Variants in LZTS1 observed in about 807,000 individuals in gnomAD.
The protein encoded by LZTS1 is leucine zipper putative tumor suppressor 1.
Under a neutral mutation model 45.8 loss-of-function variants are expected in LZTS1, and 31 were observed. The ratio of observed to expected loss-of-function variants is 0.68; its 90% CI spans 0.51 to 0.91. The LOEUF (loss-of-function observed/expected upper bound fraction) is 0.91, where lower values mean the gene tolerates loss of function less well. Among genes scored for constraint, LZTS1 ranks in the 40% least tolerant of loss-of-function variants. The pLI, the probability that LZTS1 is intolerant of heterozygous loss-of-function variation, is 0.00. For missense variants in LZTS1, 821 were observed against 788.9 expected (o/e 1.04, Z -0.49); for synonymous variants, 359 against 357.3 (o/e 1.00, Z -0.05).
At chr8:20,301,080 C>G (rs1045326028) in intron 1 of LZTS1, among the ~76,000 whole-genome samples, 5 of 142,712 alleles carry the variant, frequency 3.5e-5, no homozygotes, top group Admixed American at 1.5e-4. Context: ...AAGATCGCAC[C>G]ACTGCACTCC....
chr8:20,257,054 A>C (rs1800120861), intron 1 of LZTS1, among the ~76,000 whole-genome samples: 1 of 152,106 alleles, frequency 6.6e-6, no homozygotes, highest in Non-Finnish European at 1.5e-5. Context: ...TGTTTCCTAA[A>C]AATGGTGTCA....
intron 1 of LZTS1, among the ~76,000 whole-genome samples, chr8:20,294,696 G>A (rs754165745): frequency 2.6e-5 from 4 of 152,094 alleles, no homozygotes; most frequent in Non-Finnish European, 5.9e-5. Flanking sequence ...TGGGGGTGGC[G>A]GGGAGCAGGG....
intron 1 of LZTS1, among the ~76,000 whole-genome samples, chr8:20,271,835 C>T (rs73607971): frequency 0.066 from 10,062 of 152,276 alleles, 434 homozygotes; most frequent in African/African-American, 0.11. Context: ...GGGTGCACAG[C>T]GGCTGCTGGA....
Position 20,249,970 on chromosome 8 carries a change from G to C in LZTS1, c.1543C>G (p.Arg515Gly). 1.2e-6 allele frequency: 2 copies of C among 1,613,892 alleles called. No individual in the cohort carries two copies. Among genetic ancestry groups the C allele is most frequent in the Non-Finnish European group, 1.7e-6 (2 of 1,179,892 alleles). Residue 515 changes from arginine (R) to glycine (G), a missense_variant, in exon 4 of 4, where the codon CGG becomes GGG. Transcript: ENST00000381569. The part of the protein sequence containing the change: ...ERLRAELREE[R>G]QGHDQMSSGF... ...GAGGACATCTGGTCATGGCCTTGCC[G>C]CTCCTCCCGCAGCTCGGCCCGCAGC... is the stretch of plus-strand genomic sequence containing the variant.
chr8:20,288,472 A>C (rs1202204269), intron 1 of LZTS1, among the ~76,000 whole-genome samples: 1 of 152,152 alleles, frequency 6.6e-6, no homozygotes, highest in East Asian at 1.9e-4. Flanking sequence ...TGTCCTGTGC[A>C]CTAGGTATGG....
chr8:20,302,643 G>A (rs886968426), intron 1 of LZTS1, among the ~76,000 whole-genome samples: 2 of 152,190 alleles, frequency 1.3e-5, no homozygotes, highest in African/African-American at 4.8e-5. Context: ...CGCCTGCCCG[G>A]CATGGTCCAG....
At chr8:20,300,355 C>A (rs1270975331) in intron 1 of LZTS1, among the ~76,000 whole-genome samples, 1 of 151,544 alleles carries the variant, frequency 6.6e-6, no homozygotes, top group African/African-American at 2.4e-5. Flanking sequence ...TTTTTTGAGA[C>A]GGAGTCTCTC....
In LZTS1 at chr8:20,265,676, C is replaced by CAAAAAAAAAAAA. The variant is rs71222140; in HGVS notation, c.-134-10373_-134-10362dup. Among the ~76,000 whole-genome samples, 2 of 42,996 alleles carry CAAAAAAAAAAAA rather than the reference C, an allele frequency of 4.7e-5. 1 individual carries two copies. Among genetic ancestry groups the CAAAAAAAAAAAA allele is most frequent in the Non-Finnish European group, 7.9e-5 (2 of 25,472 alleles). The allele number at this position is 42,996 out of a possible 152,430, so 28.2% of individuals were successfully genotyped here. On this transcript the variant is annotated intron_variant, in intron 1 of 3. Transcript: ENST00000381569. ...CCTGGGCAACAGAGAGACTCTGTCTCAAAAAAAAAAAAAAAAAAAAAAAAA... is the reference window on the plus strand; with the variant it reads ...CCTGGGCAACAGAGAGACTCTGTCTCAAAAAAAAAAAAAAAAAAAAAAAAAAAAAAAAAAAAA...
intron 1 of LZTS1, among the ~76,000 whole-genome samples, chr8:20,279,155 CTA>C (rs1282706080): frequency 6.6e-6 from 1 of 152,240 alleles, no homozygotes; most frequent in Non-Finnish European, 1.5e-5. Context: ...GGAAGCCATC[CTA>C]TGTTTTCTTT....
chr8:20,290,681 C>T lies in LZTS1; in HGVS notation c.-135+13059G>A, dbSNP rs796215735. The stretch of plus-strand genomic sequence containing the variant: ...GACTCAGCCGGATGTATGTCCTCTC[C>T]CACGTGTACAACCCCCATAAACTGA... On this transcript the variant is annotated intron_variant, in intron 1 of 3. Transcript: ENST00000381569. Among the ~76,000 whole-genome samples the T allele has an allele frequency of 7.9e-5, 12 of 152,324 alleles. 1 individual carries two copies. Among genetic ancestry groups the T allele is most frequent in the African/African-American group, 2.9e-4 (12 of 41,570 alleles).
chr8:20,288,044 C>A (rs1435729644), intron 1 of LZTS1, among the ~76,000 whole-genome samples: 1 of 152,134 alleles, frequency 6.6e-6, no homozygotes, highest in Non-Finnish European at 1.5e-5. Flanking sequence ...GTCTGCCCAG[C>A]CCCCACCTCC....
intron 1 of LZTS1, among the ~76,000 whole-genome samples, chr8:20,292,714 C>A (rs1800920121): frequency 6.6e-6 from 1 of 152,154 alleles, no homozygotes; most frequent in Non-Finnish European, 1.5e-5. Context: ...CCCCCTGGGG[C>A]AAACCTGCCT....
chr8:20,254,824 G>A lies in LZTS1; in HGVS notation c.345+13C>T, dbSNP rs774415753. ...TTCCAACCCACTTACCCTTGCCAGC[G>A]ACCCCCGCTTACCATTTCTAGCTGA... On this transcript the variant is annotated intron_variant, in intron 2 of 3. Transcript: ENST00000381569. 1.0e-5 allele frequency: 16 copies of A among 1,589,126 alleles called. No homozygotes were observed. The highest frequency in any genetic ancestry group is 2.7e-5 in the African/African-American group (2 of 74,212).
chr8:20,282,184 C>A (rs1259858077), intron 1 of LZTS1, among the ~76,000 whole-genome samples: 1 of 152,200 alleles, frequency 6.6e-6, no homozygotes, highest in East Asian at 1.9e-4. Context: ...CTCACTGGCA[C>A]TTACAAGGCC....
chr8:20,294,535 G>A (rs1585304545), intron 1 of LZTS1, among the ~76,000 whole-genome samples: 1 of 152,272 alleles, frequency 6.6e-6, no homozygotes, highest in Non-Finnish European at 1.5e-5. Context: ...TTCCCCACCT[G>A]CCTGCAGTGT....
intron 1 of LZTS1, among the ~76,000 whole-genome samples, chr8:20,266,257 G>A (rs1311023239): frequency 6.6e-6 from 1 of 152,058 alleles, no homozygotes; most frequent in Non-Finnish European, 1.5e-5. Flanking sequence ...AAACTCCTGG[G>A]CTCAAGTGAT....
intron 1 of LZTS1, among the ~76,000 whole-genome samples, chr8:20,256,060 CAAAAAAAAA>C (rs386412254): frequency 3.4e-4 from 19 of 56,462 alleles, no homozygotes; most frequent in African/African-American, 8.5e-4. Flanking sequence ...GGGCCTGACT[CAAAAAAAAA>C]AAAAAAAAAA....
At chr8:20,279,080 T>C (rs954620938) in intron 1 of LZTS1, among the ~76,000 whole-genome samples, 1 of 152,224 alleles carries the variant, frequency 6.6e-6, no homozygotes, top group Admixed American at 6.5e-5. Context: ...CTTCTCCCTA[T>C]ATCTCCAGCC....
At chr8:20,266,474 A>G (rs1800357996) in intron 1 of LZTS1, among the ~76,000 whole-genome samples, 1 of 152,166 alleles carries the variant, frequency 6.6e-6, no homozygotes, top group Non-Finnish European at 1.5e-5. Flanking sequence ...AGTCTATACT[A>G]CCAGAACCCA....
Sources: allele counts gnomAD v4.1 joint callset (sites outside exome capture counted in the v4.1 genomes callset), GRCh38; gene constraint gnomAD v4.1.1; transcripts MANE v1.5; gene names NCBI Gene and HGNC (gene_info 2026-07-23, HGNC 2026-07-21).